Variants in TTN observed in about 807,000 individuals in gnomAD.
TTN encodes titin, also known as connectin.
Under a neutral mutation model 3,223.0 loss-of-function variants are expected in TTN, and 1,525 were observed. The ratio of observed to expected loss-of-function variants is 0.47; its 90% CI spans 0.45 to 0.49. The LOEUF (loss-of-function observed/expected upper bound fraction) is 0.49. Among genes scored for constraint, TTN ranks in the 20% least tolerant of loss-of-function variants. The pLI is 0.00. For missense variants in TTN, 40,786 were observed against 43,424.0 expected, an observed-to-expected ratio of 0.94 and a Z score of 5.40; for synonymous variants, 14,094 against 15,161.0, an observed-to-expected ratio of 0.93 and a Z score of 5.17.
intron 47 of TTN, chr2:178,744,607 G>A: frequency 1.1e-6 from 1 of 932,090 alleles, no homozygotes; most frequent in Non-Finnish European, 1.3e-6. Flanking sequence ...CAGTGAAACT[G>A]ATAGGAAAGC....
chr2:178,796,312 A>T (rs1445136790), intron 6 of TTN, among the ~76,000 whole-genome samples: 1 of 152,202 alleles, frequency 6.6e-6, no homozygotes, highest in East Asian at 1.9e-4. Context: ...CATATAAGAA[A>T]ATGTTTATAA....
chr2:178,675,589 AT>A, intron 149 of TTN, 81 bp downstream of exon 149: 1 of 1,104,560 alleles, frequency 9.1e-7, no homozygotes, highest in Non-Finnish European at 1.2e-6. Context: ...CAATGCACAC[AT>A]TTATGTTGAG....
At chr2:178,724,646 G>GCT in intron 71 of TTN, 108 bp from the exon 72 acceptor site, 3 of 1,185,594 alleles carry the variant, frequency 2.5e-6, no homozygotes, top group Non-Finnish European at 3.3e-6. Context: ...ATGTTAGGGT[G>GCT]CTCTCTCTCT....
chr2:178,741,704 G>A lies in TTN; in HGVS notation c.11529C>T (p.Val3843=). 1 of 1,613,742 alleles carries A rather than the reference G, an allele frequency of 6.2e-7. No homozygotes were observed. The highest frequency in any genetic ancestry group is 8.5e-7 in the Non-Finnish European group (1 of 1,179,738). Residue 3843 remains valine, a synonymous_variant, in exon 48 of 363, where the codon GTC becomes GTT. Transcript: ENST00000589042. ...GAATTTTAGGTTTGGGGATGCCAAT[G>A]ACAGTTACAGACAGTGTAGCCACAT... is the stretch of plus-strand genomic sequence containing the variant. ...MGDVATLSVT[V]IGIPKPKIQW...
chr2:178,528,928 T>G lies in TTN; in HGVS notation c.106823A>C (p.Glu35608Ala). 6.2e-7 allele frequency: 1 copy of G among 1,614,052 alleles called. No homozygotes were observed. Among genetic ancestry groups the G allele is most frequent in the Non-Finnish European group, 8.5e-7 (1 of 1,179,898 alleles). ...QASEEVRTHA[E>A]IKAFSTQMSI... is the part of the protein sequence containing the mutation. ...CATCTGAGTAGAAAATGCTTTAATC[T>G]CAGCATGAGTTCTGACTTCTTCTGA... Residue 35608 changes from glutamate to alanine, a missense_variant, in exon 360 of 363, where the codon GAG (glutamate) becomes GCG (alanine). Glu to Ala is a moderately radical substitution (Grantham distance 107, BLOSUM62 -1). Transcript: ENST00000589042.
rs1553810609 is a variant in TTN, at chr2:178,672,674, G to A, written c.34816C>T (p.Pro11606Ser). The change falls in exon 153 of 363, where the codon CCT (proline) becomes TCT (serine). Residue 11606 changes from proline (P) to serine (S), a missense_variant. By Grantham distance (74) the Pro-to-Ser change is moderately conservative (BLOSUM62 -1). Coordinates refer to ENST00000589042, the MANE Select transcript of TTN (RefSeq NM_001267550.2). ...GCCTCTTTTTTCTGAACAGGAACAG[G>A]TACTTTTTCCTCAGGAATTTTCTTT... is the stretch of plus-strand genomic sequence containing the variant. ...VSKKIPEEKV[P>S]VPVQKKEAPP... 2 of 1,609,218 alleles carry A rather than the reference G, an allele frequency of 1.2e-6. No homozygotes were observed. Among genetic ancestry groups the A allele is most frequent in the Non-Finnish European group, 1.7e-6 (2 of 1,177,306 alleles).
Position 178,564,525 on chromosome 2 carries a change from TTA to T in TTN, c.81605_81606del (p.Ile27202AsnfsTer12). 1.2e-6 allele frequency: 2 copies of T among 1,613,050 alleles called. No individual in the cohort carries two copies. The highest frequency in any genetic ancestry group is 1.7e-6 in the Non-Finnish European group (2 of 1,179,492). On this transcript the variant is annotated frameshift_variant, in exon 326 of 363. Transcript: ENST00000589042. LOFTEE classifies it high-confidence loss of function. ...TCTTTCTTTTCTACAATATAACCTG[TTA>T]TTTTGCTACCACCATCATAGGCAGG... The part of the protein sequence containing the change: ...KKPAYDGGSK[I>X]TGYIVEKKDL...
Position 178,722,521 on chromosome 2 carries a change from T to G in TTN, c.22266A>C (p.Ala7422=). ...TTTGTTCAATGTCCTTTAATTGTCT[T>G]GCAAAAGAAGGTGGGAGTTGGCGCT... The part of the protein sequence containing the change: ...IQERQLPPSF[A]RQLKDIEQTV... Residue 7422 remains alanine (A), a synonymous_variant, in exon 77 of 363, where the codon GCA becomes GCC. Transcript: ENST00000589042. The G allele has an allele frequency of 1.9e-6, 3 of 1,612,310 alleles. No homozygotes were observed. The highest frequency in any genetic ancestry group is 2.5e-6 in the Non-Finnish European group (3 of 1,178,882).
rs747593205 is a variant in TTN, at chr2:178,571,318, A to T, written c.74814T>A (p.Ser24938Arg). 9.9e-6 allele frequency: 16 copies of T among 1,613,366 alleles called. No individual in the cohort carries two copies. Among genetic ancestry groups the T allele is most frequent in the African/African-American group, 1.3e-5 (1 of 74,874 alleles). ...GTTCTAGATGATAGCCAATGACTCT[A>T]CTTCCTCCATCACTGATTGGCTCAT... ...QWNEPISDGGSRVIGYHLERK... is the reference protein window; with the variant it reads ...QWNEPISDGGRRVIGYHLERK... The change falls in exon 326 of 363, where the codon AGT becomes AGA. Residue 24938 changes from serine (S) to arginine (R), a missense_variant. Ser to Arg is a moderately radical substitution (Grantham distance 110, BLOSUM62 -1). Transcript: ENST00000589042.
At chr2:178,720,738 T>C (rs969556363) in intron 79 of TTN, 75 bp from the exon 80 acceptor site, 32 of 1,442,022 alleles carry the variant, frequency 2.2e-5, no homozygotes, top group Non-Finnish European at 2.7e-5. Flanking sequence ...TCTAGAACCT[T>C]GAAGAGTGAC....
Position 178,584,406 on chromosome 2 carries a change from C to T in TTN, c.65145G>A (p.Arg21715=). ...LWVKANDTLV[R]STEYPCAGLV... ...GGCCAGCACAAGGATATTCAGTTGA[C>T]CGGACAAGAGTATCATTGGCTTTCA... Residue 21715 remains arginine, a synonymous_variant, in exon 311 of 363, where the codon CGG becomes CGA. Coordinates refer to ENST00000589042, the MANE Select transcript of TTN (RefSeq NM_001267550.2). 1 of 1,613,282 alleles carries T rather than the reference C, an allele frequency of 6.2e-7. No homozygotes were observed. Among genetic ancestry groups the T allele is most frequent in the Non-Finnish European group, 8.5e-7 (1 of 1,179,492 alleles).
At chr2:178,807,141 A>G (rs1166869784) in intron 1 of TTN, 71 bp downstream of exon 1, 1 of 152,230 alleles carries the variant, frequency 6.6e-6, no homozygotes, top group East Asian at 1.9e-4. Context: ...TTTAGCACAC[A>G]CAAATAATCC....
chr2:178,788,856 A>C (rs1399523372), intron 13 of TTN, among the ~76,000 whole-genome samples: 1 of 152,070 alleles, frequency 6.6e-6, no homozygotes, highest in African/African-American at 2.4e-5. Context: ...TTTTCAGCTT[A>C]TCTTCTCCTC....
rs1479803487 is a variant in TTN at position 178,669,366 on chromosome 2, C to T, written c.35545+7G>A. The T allele has an allele frequency of 3.9e-6, 6 of 1,521,476 alleles. No individual in the cohort carries two copies. Among genetic ancestry groups the T allele is most frequent in the Non-Finnish European group, 5.2e-6 (6 of 1,143,502 alleles). 94.2% of individuals were successfully genotyped at this position (1,521,476 alleles called of 1,614,324 possible). The stretch of plus-strand genomic sequence containing the variant: ...CGAAAAAGAACCACTAATTTTTCTA[C>T]ACTCACTGTACATCTCTGTGTCTTC... On this transcript the variant is annotated splice_region_variant and intron_variant, in intron 159 of 362. Transcript: ENST00000589042.
intron 41 of TTN, 29 bp from the exon 42 acceptor site, chr2:178,764,840 T>C (rs763172286): frequency 2.5e-6 from 4 of 1,611,210 alleles, no homozygotes; most frequent in African/African-American, 1.3e-5. Context: ...AAATAGCCCA[T>C]GAAAAAGTGT....
At position 178,712,147 on chromosome 2, in the gene TTN, A is replaced by G. The variant is rs756143599; in HGVS notation, c.27683T>C (p.Leu9228Pro). 3.7e-6 allele frequency: 6 copies of G among 1,613,722 alleles called. No homozygotes were observed. Among genetic ancestry groups the G allele is most frequent in the African/African-American group, 1.3e-5 (1 of 74,932 alleles). Reference sequence around the variant, plus strand: ...TACCCCAATTTCAGGGGTTCCAGCAAGCTGGCATTGTAGAGAGGCAGAATC... The same window carrying G: ...TACCCCAATTTCAGGGGTTCCAGCAGGCTGGCATTGTAGAGAGGCAGAATC... The part of the protein sequence containing the change: ...VGDSASLQCQ[L>P]AGTPEIGVSW... The change falls in exon 96 of 363, where the codon CTT (leucine) becomes CCT (proline). Residue 9228 changes from leucine (L) to proline (P), a missense_variant. Leu to Pro is a moderately conservative substitution (Grantham distance 98). Transcript: ENST00000589042.
chr2:178,793,033 G>A (rs1304343327), intron 9 of TTN, among the ~76,000 whole-genome samples: 1 of 152,230 alleles, frequency 6.6e-6, no homozygotes, highest in Non-Finnish European at 1.5e-5. Flanking sequence ...CTAAAGCAAA[G>A]TGAGTTCAGT....
chr2:178,531,950 G>T lies in TTN; in HGVS notation c.104665C>A (p.Pro34889Thr). 6.2e-7 allele frequency: 1 copy of T among 1,613,542 alleles called. No individual in the cohort carries two copies. Among genetic ancestry groups the T allele is most frequent in the South Asian group, 1.1e-5 (1 of 91,006 alleles). ...PERTRPRSPS[P>T]VSSERSLSRF... ...GAGAGTGATCTCTCACTAGACACAG[G>T]GCTGGGGGATCGTGGGCGAGTTCTC... is the stretch of plus-strand genomic sequence containing the variant. Residue 34889 changes from proline to threonine, a missense_variant, in exon 358 of 363, where the codon CCT (proline) becomes ACT (threonine). Pro to Thr is a conservative substitution (Grantham distance 38). Coordinates refer to ENST00000589042, the MANE Select transcript of TTN (RefSeq NM_001267550.2).
Position 178,726,052 on chromosome 2 carries a change from A to G in TTN, c.20276-6T>C. ...GCTGCTAAAAACAGGTGGCTCTGCA[A>G]AAAACAAGAATTTCTCATGAATTGG... On this transcript the variant is annotated splice_region_variant and splice_polypyrimidine_tract_variant and intron_variant, in intron 69 of 362. Transcript: ENST00000589042. 2 of 1,503,614 alleles carry G rather than the reference A, an allele frequency of 1.3e-6. No homozygotes were observed. The highest frequency in any genetic ancestry group is 1.8e-6 in the Non-Finnish European group (2 of 1,127,240). 93.1% of individuals were successfully genotyped at this position (1,503,614 alleles called of 1,614,324 possible).
Sources: gnomAD v4.1 joint callset for allele counts (sites outside exome capture counted in the v4.1 genomes callset) on GRCh38, gnomAD v4.1.1 for gene constraint, MANE v1.5 for transcripts, NCBI Gene and HGNC (gene_info 2026-07-23, HGNC 2026-07-21) for gene names.